PDGFD: variants seen among roughly 807,000 people sequenced by gnomAD.
PDGFD encodes the protein platelet-derived growth factor D.
A neutral mutation model predicts 44.7 loss-of-function variants in PDGFD; 30 were observed. The observed-to-expected ratio is 0.67, with a 90% confidence interval of 0.50 to 0.91. PDGFD has a LOEUF of 0.91. Among genes scored for constraint, PDGFD ranks in the 40% least tolerant of loss-of-function variants. PDGFD has a pLI of 0.00. For synonymous variants in PDGFD, 173 were observed against 168.4 expected (o/e 1.03, Z -0.21); for missense variants, 445 against 457.8 (o/e 0.97, Z 0.25).
chr11:104,148,278 G>A (rs11821455), intron 1 of PDGFD, among the ~76,000 whole-genome samples: 2,718 of 152,234 alleles, frequency 0.018, 80 homozygotes, highest in African/African-American at 0.061. Context: ...ACACTGAAAC[G>A]ATGAGATACA....
intron 1 of PDGFD, among the ~76,000 whole-genome samples, chr11:104,147,091 C>T (rs1469168975): frequency 6.6e-6 from 1 of 151,664 alleles, no homozygotes; most frequent in Non-Finnish European, 1.5e-5. Flanking sequence ...TTCAATAACA[C>T]CAGAGTCACA....
intron 2 of PDGFD, 28 bp downstream of exon 2, chr11:104,000,023 T>C (rs1290708178): frequency 6.4e-7 from 1 of 1,562,368 alleles, no homozygotes; most frequent in African/African-American, 1.4e-5. Flanking sequence ...CTTGAAATAG[T>C]ACCGTAAAAA....
intron 1 of PDGFD, among the ~76,000 whole-genome samples, chr11:104,104,909 A>G (rs972166007): frequency 2.6e-5 from 4 of 152,148 alleles, no homozygotes; most frequent in Non-Finnish European, 4.4e-5. Flanking sequence ...AAATTTACAT[A>G]TATCTATGGG....
At chr11:103,968,982 C>T (rs563181913) in intron 3 of PDGFD, among the ~76,000 whole-genome samples, 2 of 152,332 alleles carry the variant, frequency 1.3e-5, no homozygotes, top group South Asian at 4.1e-4. Context: ...CCAACTCTTT[C>T]CCATTTATCT....
At chr11:103,988,566 A>G (rs1290127889) in intron 3 of PDGFD, among the ~76,000 whole-genome samples, 2 of 152,178 alleles carry the variant, frequency 1.3e-5, no homozygotes, top group Admixed American at 1.3e-4. Context: ...AGTGTGGGGT[A>G]CTTAACCGCG....
At chr11:103,932,798 C>T (rs77368315) in intron 5 of PDGFD, among the ~76,000 whole-genome samples, 3,893 of 152,234 alleles carry the variant, frequency 0.026, 175 homozygotes, top group African/African-American at 0.089. Context: ...AATTTTTTAT[C>T]ACAAAGGTGA....
At chr11:104,068,889 G>T (rs1264203066) in intron 1 of PDGFD, among the ~76,000 whole-genome samples, 3 of 152,030 alleles carry the variant, frequency 2.0e-5, no homozygotes, top group African/African-American at 7.2e-5. Flanking sequence ...TTGCAGACAT[G>T]ATATCCCCTT....
intron 3 of PDGFD, among the ~76,000 whole-genome samples, chr11:103,970,209 A>C (rs1398930167): frequency 1.3e-5 from 2 of 152,024 alleles, no homozygotes; most frequent in Non-Finnish European, 2.9e-5. Flanking sequence ...AGAACATATA[A>C]ATTAGTGAAA....
At chr11:104,020,432 T>G (rs1041169959) in intron 1 of PDGFD, among the ~76,000 whole-genome samples, 1 of 152,164 alleles carries the variant, frequency 6.6e-6, no homozygotes, top group African/African-American at 2.4e-5. Context: ...AAATGGAAGA[T>G]ATGTTTCAAT....
chr11:103,989,565 A>G (rs1290172463), intron 3 of PDGFD, among the ~76,000 whole-genome samples: 1 of 152,248 alleles, frequency 6.6e-6, no homozygotes, highest in Non-Finnish European at 1.5e-5. Context: ...TTCATGGGAC[A>G]GTGAAGAATG....
intron 1 of PDGFD, among the ~76,000 whole-genome samples, chr11:104,013,841 T>A (rs143071923): frequency 2.0e-5 from 3 of 151,658 alleles, no homozygotes; most frequent in Non-Finnish European, 2.9e-5. Context: ...TAGAAATGTA[T>A]CTCCAAGCAG....
chr11:104,151,317 C>T (rs1862241949), intron 1 of PDGFD, among the ~76,000 whole-genome samples: 1 of 152,158 alleles, frequency 6.6e-6, no homozygotes, highest in Non-Finnish European at 1.5e-5. Context: ...ATGAACTTTA[C>T]ACACGCATGC....
At chr11:104,070,804 T>C (rs1433192965) in intron 1 of PDGFD, among the ~76,000 whole-genome samples, 4 of 152,186 alleles carry the variant, frequency 2.6e-5, no homozygotes, top group African/African-American at 7.2e-5. Context: ...ATGTGGACAT[T>C]TTAGATCTTG....
chr11:104,131,153 T>C (rs1861913577), intron 1 of PDGFD, among the ~76,000 whole-genome samples: 1 of 152,208 alleles, frequency 6.6e-6, no homozygotes, highest in African/African-American at 2.4e-5. Context: ...AAATATCAAA[T>C]TTAGGTCTCA....
chr11:104,136,916 T>C (rs1862013731), intron 1 of PDGFD, among the ~76,000 whole-genome samples: 3 of 152,216 alleles, frequency 2.0e-5, no homozygotes, highest in Admixed American at 2.0e-4. Context: ...CTATCATACA[T>C]CATAGGATTT....
chr11:103,967,184 A>G (rs953689508), intron 3 of PDGFD, among the ~76,000 whole-genome samples: 1 of 152,140 alleles, frequency 6.6e-6, no homozygotes, highest in African/African-American at 2.4e-5. Context: ...CTTCCTCTCA[A>G]ACTCAGGCCA....
chr11:104,063,744 C>G (rs1468689403), intron 1 of PDGFD, among the ~76,000 whole-genome samples: 1 of 152,084 alleles, frequency 6.6e-6, no homozygotes, highest in Non-Finnish European at 1.5e-5. Context: ...CACTTTTAAA[C>G]CATCAGATCT....
At chr11:104,100,008 A>G (rs989917244) in intron 1 of PDGFD, among the ~76,000 whole-genome samples, 2 of 152,150 alleles carry the variant, frequency 1.3e-5, no homozygotes, top group Non-Finnish European at 2.9e-5. Flanking sequence ...GAAGCCAGAA[A>G]ATACATGTTC....
intron 1 of PDGFD, among the ~76,000 whole-genome samples, chr11:104,104,883 C>T (rs1861450644): frequency 6.7e-6 from 1 of 150,130 alleles, no homozygotes; most frequent in African/African-American, 2.4e-5. Flanking sequence ...TTACCTCAAA[C>T]ACTGATACCA....
Sources: gnomAD v4.1 joint callset for allele counts (sites outside exome capture counted in the v4.1 genomes callset) on GRCh38, gnomAD v4.1.1 for gene constraint, MANE v1.5 for transcripts, NCBI Gene and HGNC (gene_info 2026-07-23, HGNC 2026-07-21) for gene names.